Variants in CRACD observed in about 807,000 individuals in gnomAD.
The protein encoded by CRACD is capping protein-inhibiting regulator of actin dynamics.
In CRACD, 56 loss-of-function variants were observed where a neutral mutation model predicts 106.8. The observed-to-expected ratio is 0.52, with a 90% CI of 0.42 to 0.66. The LOEUF (loss-of-function observed/expected upper bound fraction) is 0.66. CRACD is among the 30% of genes least tolerant of loss of function. The pLI, the probability that CRACD is intolerant of heterozygous loss-of-function variation, is 0.00. For synonymous variants in CRACD, 754 were observed against 670.8 expected (o/e 1.12, Z -1.92); for missense variants, 1,730 against 1,623.2 (o/e 1.07, Z -1.13).
chr4:56,094,419 TTC>T (rs1329925253), intron 1 of CRACD, among the ~76,000 whole-genome samples: 1 of 150,072 alleles, frequency 6.7e-6, no homozygotes, highest in Non-Finnish European at 1.5e-5. Flanking sequence ...TTCATATAGA[TTC>T]TTTTTTTTTT....
intron 2 of CRACD, among the ~76,000 whole-genome samples, chr4:56,203,437 G>A (rs1737975041): frequency 6.6e-6 from 1 of 152,208 alleles, no homozygotes; most frequent in African/African-American, 2.4e-5. Flanking sequence ...GATGACTTCA[G>A]TGTTCCTCTT....
intron 2 of CRACD, among the ~76,000 whole-genome samples, chr4:56,254,726 A>G (rs1741245326): frequency 6.6e-6 from 1 of 152,008 alleles, no homozygotes; most frequent in Non-Finnish European, 1.5e-5. Context: ...GAGCTTTTAC[A>G]TACTCCAGCA....
intron 2 of CRACD, among the ~76,000 whole-genome samples, chr4:56,239,670 C>G (rs1178541254): frequency 1.3e-5 from 2 of 152,104 alleles, no homozygotes; most frequent in African/African-American, 4.8e-5. Flanking sequence ...AAACAAGTGT[C>G]TAAATCTAGA....
intron 2 of CRACD, among the ~76,000 whole-genome samples, chr4:56,232,728 A>ATTTATTTG (rs1159306621): frequency 6.7e-6 from 1 of 150,364 alleles, no homozygotes; most frequent in Non-Finnish European, 1.5e-5. Flanking sequence ...TTATTTATTT[A>ATTTATTTG]TTTATTTATT....
intron 1 of CRACD, among the ~76,000 whole-genome samples, chr4:56,056,413 C>T (rs1560437742): frequency 6.6e-6 from 1 of 152,148 alleles, no homozygotes; most frequent in East Asian, 1.9e-4. Context: ...TAGGCCTGTG[C>T]TGCCCTATAC....
intron 1 of CRACD, among the ~76,000 whole-genome samples, chr4:56,149,568 A>G (rs542343745): frequency 5.1e-4 from 77 of 152,354 alleles, no homozygotes; most frequent in Admixed American, 1.0e-3. Context: ...TTTGAGCCAA[A>G]CAAAATGTAG....
chr4:56,092,939 A>T (rs181662751), intron 1 of CRACD, among the ~76,000 whole-genome samples: 27 of 152,276 alleles, frequency 1.8e-4, no homozygotes, highest in African/African-American at 5.8e-4. Flanking sequence ...TGTGACTACT[A>T]GAAAATTTAA....
At chr4:56,324,619 G>A (rs549058968) in intron 10 of CRACD, among the ~76,000 whole-genome samples, 16 of 152,306 alleles carry the variant, frequency 1.1e-4, no homozygotes, top group African/African-American at 3.1e-4. Context: ...ATTTGTGAAC[G>A]TTTAGCACGG....
chr4:56,190,068 TG>T (rs1737301367), intron 2 of CRACD, among the ~76,000 whole-genome samples: 1 of 148,478 alleles, frequency 6.7e-6, no homozygotes, highest in Non-Finnish European at 1.5e-5. Context: ...GAATATGTGG[TG>T]TTTGGTTTTT....
At chr4:56,260,520 A>T (rs1741631613) in intron 2 of CRACD, among the ~76,000 whole-genome samples, 1 of 152,152 alleles carries the variant, frequency 6.6e-6, no homozygotes, top group Non-Finnish European at 1.5e-5. Flanking sequence ...CTTGGCTAGG[A>T]TATAGTCCCC....
intron 1 of CRACD, among the ~76,000 whole-genome samples, chr4:56,109,203 T>TA (rs927838640): frequency 6.6e-6 from 1 of 152,216 alleles, no homozygotes; most frequent in African/African-American, 2.4e-5. Context: ...CCTGACCCTA[T>TA]ACCCGCCGGT....
At chr4:56,106,519 A>G (rs1531586) in intron 1 of CRACD, among the ~76,000 whole-genome samples, 6,807 of 152,286 alleles carry the variant, frequency 0.045, 194 homozygotes, top group South Asian at 0.062. Flanking sequence ...AAGGCTGGCA[A>G]GATTGATTTA....
intron 1 of CRACD, among the ~76,000 whole-genome samples, chr4:56,176,431 C>CTTTTTTTTTTTT (rs3036818): frequency 7.3e-6 from 1 of 137,230 alleles, no homozygotes; most frequent in Non-Finnish European, 1.5e-5. Flanking sequence ...CTTCCAATTT[C>CTTTTTTTTTTTT]TTTTTTTTTT....
intron 2 of CRACD, among the ~76,000 whole-genome samples, chr4:56,229,933 A>G (rs184887390): frequency 2.0e-5 from 3 of 152,346 alleles, no homozygotes; most frequent in Admixed American, 2.0e-4. Context: ...AACAACTAAC[A>G]GGGTAAAACT....
intron 1 of CRACD, among the ~76,000 whole-genome samples, chr4:56,176,901 G>T (rs185016283): frequency 1.0e-3 from 155 of 152,192 alleles, no homozygotes; most frequent in South Asian, 2.7e-3. Context: ...ACTGATTTTT[G>T]TATGTTAATT....
rs1744159867 is a variant in CRACD, at chr4:56,298,207, C to T, written c.-16-7C>T. Reference sequence around the variant, plus strand: ...TAATAAAATGAAGCACATGATTTACCTTCCAGGTCCTTCAACTATTCTATG... The same window carrying T: ...TAATAAAATGAAGCACATGATTTACTTTCCAGGTCCTTCAACTATTCTATG... On this transcript the variant is annotated splice_polypyrimidine_tract_variant and splice_region_variant and intron_variant, in intron 3 of 10. Transcript: ENST00000682029. The T allele has an allele frequency of 6.2e-7, 1 of 1,607,512 alleles. No homozygotes were observed. Among genetic ancestry groups the T allele is most frequent in the Non-Finnish European group, 8.5e-7 (1 of 1,177,762 alleles).
chr4:56,247,770 C>T (rs934575405), intron 2 of CRACD, among the ~76,000 whole-genome samples: 3 of 151,690 alleles, frequency 2.0e-5, no homozygotes, highest in East Asian at 1.9e-4. Flanking sequence ...CACATGAATC[C>T]AGGAGGGGGA....
At chr4:56,248,485 G>A (rs1740832738) in intron 2 of CRACD, among the ~76,000 whole-genome samples, 1 of 148,732 alleles carries the variant, frequency 6.7e-6, no homozygotes, top group African/African-American at 2.5e-5. Context: ...TGCCATCAAG[G>A]CTCAATGCAT....
chr4:56,167,687 A>G (rs1234697173), intron 1 of CRACD, among the ~76,000 whole-genome samples: 1 of 152,214 alleles, frequency 6.6e-6, no homozygotes, highest in African/African-American at 2.4e-5. Context: ...GTCGCAAATG[A>G]TAGGATTTCC....
Sources: gnomAD v4.1 joint callset for allele counts (sites outside exome capture counted in the v4.1 genomes callset) on GRCh38, gnomAD v4.1.1 for gene constraint, MANE v1.5 for transcripts, NCBI Gene and HGNC (gene_info 2026-07-23, HGNC 2026-07-21) for gene names.